Variants in RYR2 observed in about 807,000 individuals in gnomAD.
RYR2 encodes cardiac muscle ryanodine receptor-calcium release channel.
In RYR2, 227 loss-of-function variants were observed where a neutral mutation model predicts 601.1. That is an observed-to-expected ratio of 0.38 (90% confidence interval 0.34 to 0.42). The LOEUF is 0.42. Ranked by LOEUF, RYR2 falls within the 10% of genes least tolerant of loss-of-function variation. The pLI is 1.00. For missense variants in RYR2, 4,646 were observed against 6,156.5 expected, an observed-to-expected ratio of 0.75 and a Z score of 8.21; for synonymous variants, 2,223 against 2,175.1, an observed-to-expected ratio of 1.02 and a Z score of -0.61.
chr1:237,674,199 C>T lies in RYR2; in HGVS notation c.8694C>T (p.Ile2898=), dbSNP rs1376139237. Residue 2898 remains isoleucine (I), a synonymous_variant, in exon 59 of 105, where the codon ATC becomes ATT. Coordinates refer to ENST00000366574, the MANE Select transcript of RYR2 (RefSeq NM_001035.3). The stretch of plus-strand genomic sequence containing the variant: ...AGGACATCCTCAAGTTCTTGCAGAT[C>T]AATGGATATGCTGTATCCAGGTAAA... ...KAQDILKFLQ[I]NGYAVSRGFK... 6.2e-7 allele frequency: 1 copy of T among 1,611,984 alleles called. No homozygotes were observed. The highest frequency in any genetic ancestry group is 8.5e-7 in the Non-Finnish European group (1 of 1,178,252).
intron 14 of RYR2, among the ~76,000 whole-genome samples, chr1:237,451,988 T>G (rs34012415): frequency 0.065 from 2,808 of 42,998 alleles, 29 homozygotes; most frequent in Middle Eastern, 0.15. Context: ...GTATGTGTGT[T>G]TGTGTGTGTG....
chr1:237,485,732 T>C (rs534710146), intron 17 of RYR2, among the ~76,000 whole-genome samples: 16 of 152,296 alleles, frequency 1.1e-4, no homozygotes, highest in African/African-American at 3.8e-4. Context: ...ATATATATGA[T>C]TCATATGTAG....
intron 1 of RYR2, among the ~76,000 whole-genome samples, chr1:237,189,464 T>A (rs1004277372): frequency 1.3e-5 from 2 of 152,186 alleles, no homozygotes; most frequent in African/African-American, 4.8e-5. Flanking sequence ...AAAATTCACA[T>A]GGCGAATTCC....
At chr1:237,594,920 T>G (rs1037215820) in intron 33 of RYR2, among the ~76,000 whole-genome samples, 16 of 65,916 alleles carry the variant, frequency 2.4e-4, no homozygotes, top group East Asian at 7.1e-4. Context: ...TTTTTTTTTT[T>G]TTTTTTTTTT....
At position 237,506,099 on chromosome 1, in the gene RYR2, A is replaced by G. The variant is rs185343268; in HGVS notation, c.2614-611A>G. 4.8e-3 allele frequency among the ~76,000 whole-genome samples: 718 copies of G among 151,076 alleles called. 18 individuals carry two copies. Among genetic ancestry groups the G allele is most frequent in the Non-Finnish European group, 1.6e-3 (106 of 67,942 alleles). On this transcript the variant is annotated intron_variant, in intron 22 of 104. Transcript: ENST00000366574. ...TGGGGATGATTTCTCATTTTAAATT[A>G]TACATTCCTTGGTAGTAGCCCCATA...
chr1:237,614,240 C>A lies in RYR2; in HGVS notation c.5112C>A (p.Asp1704Glu), dbSNP rs1043035314. 1.2e-6 allele frequency: 2 copies of A among 1,613,916 alleles called. No homozygotes were observed. The change falls in exon 37 of 105, where the codon GAC becomes GAA. Residue 1704 changes from aspartate (D) to glutamate (E), a missense_variant. By Grantham distance (45) the Asp-to-Glu change is conservative. This residue lies in a region of RYR2 where 1,807 missense variants were observed against 2,088.1 expected (regional missense o/e 0.87). Coordinates refer to ENST00000366574, the MANE Select transcript of RYR2 (RefSeq NM_001035.3). The surrounding 1 kb of genome is among the most constrained non-coding windows in gnomAD (Gnocchi z 4.3). ...MPGLLRAGYY[D>E]LLIDIHLSSY... ...GTTTGCTGCGTGCTGGCTACTATGACCTGCTGATTGACATCCACCTGAGCT... is the reference window on the plus strand; with the variant it reads ...GTTTGCTGCGTGCTGGCTACTATGAACTGCTGATTGACATCCACCTGAGCT...
At position 237,832,825 on chromosome 1, in the gene RYR2, A is replaced by G. The variant is rs1663957570; in HGVS notation, c.*178A>G. On this transcript the variant is annotated 3_prime_UTR_variant, in exon 105 of 105. Coordinates refer to ENST00000366574, the MANE Select transcript of RYR2 (RefSeq NM_001035.3). ...TTTCCTCCCCCCACCTTTTGTATTT[A>G]CTTTGAGACTAAAGACTGAAGAATA... 5.8e-6 allele frequency: 3 copies of G among 514,972 alleles called. No homozygotes were observed. Among genetic ancestry groups the G allele is most frequent in the Non-Finnish European group, 6.9e-6 (2 of 288,344 alleles). The allele number at this position is 514,972 out of a possible 1,614,324, so 31.9% of individuals were successfully genotyped here. A position where few individuals can be genotyped will look rare whatever the true frequency, so the allele number is the denominator to read the frequency against.
chr1:237,575,815 G>A (rs886882723), intron 29 of RYR2, among the ~76,000 whole-genome samples: 1 of 152,074 alleles, frequency 6.6e-6, no homozygotes, highest in Non-Finnish European at 1.5e-5. Context: ...AAAGAAATTG[G>A]AGATGATAAG....
chr1:237,646,766 G>A (rs1682205379), intron 48 of RYR2, among the ~76,000 whole-genome samples: 1 of 152,198 alleles, frequency 6.6e-6, no homozygotes, highest in African/African-American at 2.4e-5. Flanking sequence ...CCCTGTCTGA[G>A]GCAGTAATTG....
intron 1 of RYR2, among the ~76,000 whole-genome samples, chr1:237,177,291 T>G (rs1236506370): frequency 1.3e-5 from 2 of 152,212 alleles, no homozygotes; most frequent in African/African-American, 4.8e-5. Context: ...TTTACATATT[T>G]AAAATAACAT....
intron 25 of RYR2, among the ~76,000 whole-genome samples, chr1:237,545,095 A>G (rs991113951): frequency 6.6e-6 from 1 of 152,260 alleles, no homozygotes; most frequent in African/African-American, 2.4e-5. Context: ...TGTAGTTTAC[A>G]TCTGAAGATG....
intron 34 of RYR2, among the ~76,000 whole-genome samples, chr1:237,596,361 G>T (rs1675893739): frequency 6.6e-6 from 1 of 152,054 alleles, no homozygotes. Flanking sequence ...TAGTAGAAAA[G>T]AACTAAACAG....
intron 3 of RYR2, chr1:237,341,598 G>T (rs201569613): frequency 2.0e-6 from 1 of 510,206 alleles, no homozygotes; most frequent in African/African-American, 1.9e-5. Flanking sequence ...TGTGGTATTC[G>T]CTTGCTATAC....
intron 1 of RYR2, among the ~76,000 whole-genome samples, chr1:237,146,741 C>T (rs1047593335): frequency 5.3e-5 from 8 of 152,002 alleles, no homozygotes; most frequent in African/African-American, 1.9e-4. Context: ...TCATCTATTT[C>T]CAGAATGCAT....
intron 2 of RYR2, among the ~76,000 whole-genome samples, chr1:237,288,702 T>G (rs1303745958): frequency 6.6e-6 from 1 of 151,572 alleles, no homozygotes; most frequent in Admixed American, 6.6e-5. Context: ...AGGCGGAGGG[T>G]GTGATGGGTT....
chr1:237,823,541 G>A (rs1182214816), intron 101 of RYR2, among the ~76,000 whole-genome samples: 15 of 152,134 alleles, frequency 9.9e-5, no homozygotes, highest in Admixed American at 8.5e-4. Context: ...TGTGTAGAGG[G>A]AAACTTATAG....
At chr1:237,328,065 G>A (rs1272211892) in intron 2 of RYR2, among the ~76,000 whole-genome samples, 1 of 152,158 alleles carries the variant, frequency 6.6e-6, no homozygotes, top group Non-Finnish European at 1.5e-5. Context: ...ATTTTTGTAA[G>A]CCAATTTGTA....
intron 2 of RYR2, among the ~76,000 whole-genome samples, chr1:237,284,149 G>T (rs113012581): frequency 3.9e-5 from 6 of 152,106 alleles, no homozygotes; most frequent in African/African-American, 1.4e-4. Flanking sequence ...TTGGGAGGCC[G>T]AGGCGGGTGG....
At chr1:237,652,115 A>G (rs1280942009) in intron 51 of RYR2, among the ~76,000 whole-genome samples, 1 of 152,224 alleles carries the variant, frequency 6.6e-6, no homozygotes, top group African/African-American at 2.4e-5. Flanking sequence ...GCCTGGCCTA[A>G]AATATTATTA....
Sources: gnomAD v4.1 joint callset for allele counts (sites outside exome capture counted in the v4.1 genomes callset) on GRCh38, gnomAD v4.1.1 for gene constraint, gnomAD v4.1.1 regional missense constraint, Gnocchi (gnomAD v3.1) non-coding constraint, MANE v1.5 for transcripts, NCBI Gene and HGNC (gene_info 2026-07-23, HGNC 2026-07-21) for gene names.